ARK2N: variants seen among roughly 807,000 people sequenced by gnomAD.
ARK2N encodes protein ARK2N.
chr18:46,266,180 T>G, the ARK2N span: 1 of 152,312 alleles, frequency 6.6e-6, no homozygotes, highest in Non-Finnish European at 1.5e-5. Flanking sequence ...ACTAATGTAG[T>G]CATTTGTTCA....
chr18:46,216,204 G>A, the ARK2N span: 20 of 1,613,806 alleles, frequency 1.2e-5, no homozygotes, highest in Admixed American at 1.2e-4. This position sits in a 1 kb window ranked among gnomAD's most constrained non-coding sequence, Gnocchi z 4.3. Flanking sequence ...ATTCAGATAC[G>A]TTGTCTTCCG....
the ARK2N span, among the ~76,000 whole-genome samples, chr18:46,205,464 G>T: frequency 4.6e-5 from 7 of 152,116 alleles, no homozygotes; most frequent in Admixed American, 2.0e-4. Context: ...TCAAAAAAGC[G>T]CATTTCGAGA....
chr18:46,203,515 C>T, the ARK2N span, among the ~76,000 whole-genome samples: 2 of 152,066 alleles, frequency 1.3e-5, no homozygotes, highest in Non-Finnish European at 2.9e-5. Flanking sequence ...ATGGTCATTA[C>T]GTGGATATGT....
At chr18:46,224,585 G>A in the ARK2N span, among the ~76,000 whole-genome samples, 1 of 152,086 alleles carries the variant, frequency 6.6e-6, no homozygotes. Context: ...AAGACTTGGA[G>A]CCACCCTAGG....
chr18:46,184,023 C>T, the ARK2N span, among the ~76,000 whole-genome samples: 1 of 151,688 alleles, frequency 6.6e-6, no homozygotes, highest in African/African-American at 2.4e-5. Flanking sequence ...CGGAGCCTCA[C>T]AGTGTCACCC....
At chr18:46,239,434 G>A in the ARK2N span, among the ~76,000 whole-genome samples, 1 of 152,146 alleles carries the variant, frequency 6.6e-6, no homozygotes, top group Non-Finnish European at 1.5e-5. Flanking sequence ...ATGTCATAAA[G>A]TGTATAACAT....
the ARK2N span, among the ~76,000 whole-genome samples, chr18:46,198,582 A>C: frequency 6.6e-6 from 1 of 152,040 alleles, no homozygotes; most frequent in Non-Finnish European, 1.5e-5. Flanking sequence ...TTTTATACAA[A>C]TACCATATTG....
chr18:46,200,256 G>A, the ARK2N span, among the ~76,000 whole-genome samples: 1 of 152,072 alleles, frequency 6.6e-6, no homozygotes, highest in Non-Finnish European at 1.5e-5. Context: ...ACTGAGTTCA[G>A]GATTTGCCAG....
chr18:46,228,772 T>C, the ARK2N span: 32 of 398,612 alleles, frequency 8.0e-5, no homozygotes, highest in Admixed American at 8.4e-4. Flanking sequence ...GGTTCTGTTA[T>C]GTTGTTCAGG....
the ARK2N span, among the ~76,000 whole-genome samples, chr18:46,246,294 A>G: frequency 1.3e-5 from 2 of 152,202 alleles, no homozygotes; most frequent in African/African-American, 4.8e-5. Flanking sequence ...AGAGAATGTC[A>G]GGTTCTATAC....
At chr18:46,200,984 T>C in the ARK2N span, among the ~76,000 whole-genome samples, 1 of 139,748 alleles carries the variant, frequency 7.2e-6, no homozygotes, top group Non-Finnish European at 1.5e-5. Flanking sequence ...TTTTTCTTTT[T>C]TTTTTTTTTT....
At chr18:46,190,992 C>A in the ARK2N span, among the ~76,000 whole-genome samples, 1 of 152,094 alleles carries the variant, frequency 6.6e-6, no homozygotes, top group Admixed American at 6.6e-5. Context: ...ATCCAGTGTG[C>A]AACTGGTCTC....
At chr18:46,215,816 T>A in the ARK2N span, 1 of 1,477,210 alleles carries the variant, frequency 6.8e-7, no homozygotes, top group Non-Finnish European at 9.2e-7. Context: ...TACAGGTTGC[T>A]TTCCTGTTGC....
the ARK2N span, chr18:46,263,063 C>T: frequency 6.2e-7 from 1 of 1,614,168 alleles, no homozygotes; most frequent in South Asian, 1.1e-5. Flanking sequence ...GCTTCACCAG[C>T]AGAAGTTGTT....
the ARK2N span, among the ~76,000 whole-genome samples, chr18:46,200,089 TGTGCGC>T: frequency 6.7e-6 from 1 of 148,304 alleles, no homozygotes; most frequent in African/African-American, 2.4e-5. Context: ...TGTGTGTGTG[TGTGCGC>T]GCGCGTGCTG....
chr18:46,244,686 C>G, the ARK2N span, among the ~76,000 whole-genome samples: 92,082 of 147,186 alleles, frequency 0.63, 30,814 homozygotes, highest in Non-Finnish European at 0.74. Context: ...ACTGCAACCT[C>G]TGCCTCCCGG....
chr18:46,239,856 T>G, the ARK2N span: 1 of 729,612 alleles, frequency 1.4e-6, no homozygotes, highest in Non-Finnish European at 2.2e-6. Context: ...CACTTTCACA[T>G]TTTGTACAAA....
the ARK2N span, among the ~76,000 whole-genome samples, chr18:46,242,759 T>C: frequency 6.6e-6 from 1 of 152,206 alleles, no homozygotes; most frequent in Non-Finnish European, 1.5e-5. Flanking sequence ...TTTTATGAGT[T>C]TTGTTGTTGT....
chr18:46,208,124 G>A, the ARK2N span, among the ~76,000 whole-genome samples: 4 of 152,176 alleles, frequency 2.6e-5, no homozygotes, highest in Non-Finnish European at 5.9e-5. Context: ...AATCCTTAGA[G>A]TGGGCCCTTA....
Sources: allele counts gnomAD v4.1 joint callset (sites outside exome capture counted in the v4.1 genomes callset), GRCh38; gene constraint gnomAD v4.1.1; non-coding constraint Gnocchi (gnomAD v3.1); transcripts MANE v1.5; gene names NCBI Gene and HGNC (gene_info 2026-07-23, HGNC 2026-07-21).